The following RBMS3 variants were observed in gnomAD, a reference collection of about 807,000 sequenced individuals.
The protein encoded by RBMS3 is RNA-binding motif, single-stranded-interacting protein 3.
In RBMS3, 27 loss-of-function variants were observed where a neutral mutation model predicts 66.8. That is an observed-to-expected ratio of 0.40 (90% CI 0.30 to 0.56). RBMS3 has a LOEUF of 0.56. Ranked by LOEUF, RBMS3 falls within the 20% of genes least tolerant of loss-of-function variation. The pLI is 0.40. For synonymous variants in RBMS3, 188 were observed against 183.0 expected (o/e 1.03, Z -0.22); for missense variants, 513 against 549.5 (o/e 0.93, Z 0.66).
At chr3:29,747,066 G>A (rs1576682715) in intron 5 of RBMS3, among the ~76,000 whole-genome samples, 3 of 152,154 alleles carry the variant, frequency 2.0e-5, no homozygotes, top group African/African-American at 7.2e-5. Flanking sequence ...GACTATTGGA[G>A]CATCCAGAAA....
At chr3:29,420,579 T>C (rs1559346744) in intron 1 of RBMS3, among the ~76,000 whole-genome samples, 1 of 151,944 alleles carries the variant, frequency 6.6e-6, no homozygotes, top group African/African-American at 2.4e-5. Context: ...TGTTTTGTTT[T>C]GTTTTGTTTT....
At chr3:29,642,865 C>T (rs1470842411) in intron 4 of RBMS3, 1 of 152,062 alleles carries the variant, frequency 6.6e-6, no homozygotes, top group Admixed American at 6.6e-5. Context: ...TGACTCAGAG[C>T]ATTAAAACAG....
intron 4 of RBMS3, among the ~76,000 whole-genome samples, chr3:29,638,337 G>C (rs1328132870): frequency 3.3e-5 from 5 of 151,610 alleles, no homozygotes; most frequent in Non-Finnish European, 2.9e-5. Flanking sequence ...TTCAATCCAT[G>C]TCAAGGATAG....
chr3:29,798,536 T>C (rs112124786), intron 6 of RBMS3, among the ~76,000 whole-genome samples: 3,389 of 152,218 alleles, frequency 0.022, 131 homozygotes, highest in African/African-American at 0.076. Flanking sequence ...TTTTAATTTA[T>C]TGGCAAACAA....
chr3:29,643,111 C>T (rs181491622), intron 4 of RBMS3, among the ~76,000 whole-genome samples: 117 of 152,224 alleles, frequency 7.7e-4, no homozygotes, highest in African/African-American at 2.7e-3. Flanking sequence ...ATTCTTGGAA[C>T]ACTTTTTAAA....
chr3:29,700,244 T>C (rs928913225), intron 4 of RBMS3, among the ~76,000 whole-genome samples: 14 of 152,204 alleles, frequency 9.2e-5, no homozygotes, highest in Admixed American at 5.2e-4. Flanking sequence ...AACATCAAAA[T>C]ATGGTGGCTC....
At chr3:29,602,648 G>A (rs759185023) in intron 4 of RBMS3, among the ~76,000 whole-genome samples, 2 of 151,696 alleles carry the variant, frequency 1.3e-5, no homozygotes, top group East Asian at 1.9e-4. Context: ...TTTTTTTTGC[G>A]TCAACATTAT....
intron 4 of RBMS3, among the ~76,000 whole-genome samples, chr3:29,621,289 T>A (rs1359683296): frequency 6.6e-6 from 1 of 152,234 alleles, no homozygotes; most frequent in Non-Finnish European, 1.5e-5. Flanking sequence ...TAAACTCTTA[T>A]GCCCTCTGAA....
chr3:29,418,285 T>C (rs1436788940), intron 1 of RBMS3, among the ~76,000 whole-genome samples: 1 of 152,158 alleles, frequency 6.6e-6, no homozygotes, highest in East Asian at 1.9e-4. Context: ...TTTTTTGTTA[T>C]TATCTGTGTC....
chr3:29,782,749 A>T (rs1266135843), intron 6 of RBMS3, among the ~76,000 whole-genome samples: 2 of 152,214 alleles, frequency 1.3e-5, no homozygotes, highest in Non-Finnish European at 2.9e-5. Context: ...GGCACCAGAG[A>T]AAGGTGAAGT....
intron 1 of RBMS3, among the ~76,000 whole-genome samples, chr3:29,344,033 C>G (rs1424704795): frequency 6.6e-6 from 1 of 152,178 alleles, no homozygotes; most frequent in Non-Finnish European, 1.5e-5. Flanking sequence ...GGTGAAGCTG[C>G]CATTTGGACT....
intron 4 of RBMS3, among the ~76,000 whole-genome samples, chr3:29,711,600 C>G (rs1195150196): frequency 6.6e-6 from 1 of 152,062 alleles, no homozygotes; most frequent in Non-Finnish European, 1.5e-5. Context: ...ACTTCAGAGC[C>G]AAGCAGGGTC....
At chr3:29,499,202 T>C (rs1429416845) in intron 3 of RBMS3, among the ~76,000 whole-genome samples, 2 of 152,202 alleles carry the variant, frequency 1.3e-5, no homozygotes, top group Non-Finnish European at 2.9e-5. Flanking sequence ...CTTAGTTTTT[T>C]AAACTATGGT....
intron 1 of RBMS3, among the ~76,000 whole-genome samples, chr3:29,405,565 T>C (rs1035055071): frequency 6.6e-6 from 1 of 152,140 alleles, no homozygotes; most frequent in African/African-American, 2.4e-5. Context: ...GTGGCTGTAA[T>C]GTGGCTTTGG....
intron 2 of RBMS3, among the ~76,000 whole-genome samples, chr3:29,457,626 G>T (rs1232007708): frequency 6.6e-6 from 1 of 152,116 alleles, no homozygotes; most frequent in Non-Finnish European, 1.5e-5. Flanking sequence ...GGAAGCTGAG[G>T]CATGAGAATC....
chr3:29,301,220 G>T (rs1289691363), intron 1 of RBMS3, among the ~76,000 whole-genome samples: 1 of 151,964 alleles, frequency 6.6e-6, no homozygotes, highest in Non-Finnish European at 1.5e-5. Context: ...GTATGAATGA[G>T]ATTACCAAAA....
At chr3:29,317,579 A>G (rs2034759632) in intron 1 of RBMS3, among the ~76,000 whole-genome samples, 1 of 151,802 alleles carries the variant, frequency 6.6e-6, no homozygotes. Context: ...CCCATAATAT[A>G]CACACACAGA....
At chr3:29,511,830 GT>G (rs2044425521) in intron 3 of RBMS3, among the ~76,000 whole-genome samples, 1 of 152,214 alleles carries the variant, frequency 6.6e-6, no homozygotes, top group East Asian at 1.9e-4. Context: ...GAAAGCATAT[GT>G]ATCACAAGAC....
At chr3:29,752,104 T>A (rs1229276808) in intron 5 of RBMS3, among the ~76,000 whole-genome samples, 1 of 152,104 alleles carries the variant, frequency 6.6e-6, no homozygotes, top group African/African-American at 2.4e-5. Context: ...GGGTGGTGAA[T>A]GCAGAGGATT....
Sources: allele counts gnomAD v4.1 joint callset (sites outside exome capture counted in the v4.1 genomes callset), GRCh38; gene constraint gnomAD v4.1.1; transcripts MANE v1.5; gene names NCBI Gene and HGNC (gene_info 2026-07-23, HGNC 2026-07-21).